GPC5: variants seen among roughly 807,000 people sequenced by gnomAD.
GPC5 encodes glypican 5.
In GPC5, 47 loss-of-function variants were observed where a neutral mutation model predicts 53.9. The ratio of observed to expected loss-of-function variants is 0.87; its 90% confidence interval spans 0.69 to 1.11. The LOEUF is 1.11. GPC5 is among the 50% of genes most tolerant of loss of function. The pLI is 0.00. For synonymous variants in GPC5, 286 were observed against 263.3 expected, an observed-to-expected ratio of 1.09 and a Z score of -0.84; for missense variants, 748 against 713.1, an observed-to-expected ratio of 1.05 and a Z score of -0.56.
At chr13:91,438,313 T>C (rs770092650) in intron 1 of GPC5, among the ~76,000 whole-genome samples, 1 of 152,212 alleles carries the variant, frequency 6.6e-6, no homozygotes, top group Non-Finnish European at 1.5e-5. Flanking sequence ...TGGTCTTTGA[T>C]GATTGTGACG....
intron 7 of GPC5, among the ~76,000 whole-genome samples, chr13:92,752,052 G>C (rs898149971): frequency 6.6e-6 from 1 of 151,696 alleles, no homozygotes. Flanking sequence ...TAAATAAAGA[G>C]GAATGAGAAC....
At chr13:92,751,832 C>G (rs894652382) in intron 7 of GPC5, among the ~76,000 whole-genome samples, 1 of 152,146 alleles carries the variant, frequency 6.6e-6, no homozygotes, top group African/African-American at 2.4e-5. Flanking sequence ...ATAGTTAAGT[C>G]AATCTATGTG....
chr13:92,631,510 A>G (rs1474408996), intron 7 of GPC5, among the ~76,000 whole-genome samples: 1 of 152,176 alleles, frequency 6.6e-6, no homozygotes, highest in Non-Finnish European at 1.5e-5. Flanking sequence ...TTTTGGCCAT[A>G]TGGAAGATGA....
chr13:91,473,850 G>A (rs1054731990), intron 2 of GPC5, among the ~76,000 whole-genome samples: 3 of 152,152 alleles, frequency 2.0e-5, no homozygotes, highest in African/African-American at 7.2e-5. Flanking sequence ...AGCACTCTAA[G>A]CTATCAATTT....
intron 5 of GPC5, among the ~76,000 whole-genome samples, chr13:91,784,271 GA>G (rs1371149582): frequency 3.9e-5 from 6 of 151,992 alleles, no homozygotes; most frequent in Non-Finnish European, 7.4e-5. Context: ...GTTTTAAGAT[GA>G]AAAAAATTTG....
intron 7 of GPC5, among the ~76,000 whole-genome samples, chr13:92,848,610 G>C (rs1878686387): frequency 6.6e-6 from 1 of 151,984 alleles, no homozygotes; most frequent in Admixed American, 6.6e-5. Context: ...AAAATATATA[G>C]ACATATAGAC....
chr13:92,361,584 G>A (rs2043567439), intron 7 of GPC5, among the ~76,000 whole-genome samples: 1 of 151,604 alleles, frequency 6.6e-6, no homozygotes, highest in Non-Finnish European at 1.5e-5. Flanking sequence ...AGTGTCTGAG[G>A]AGGAGTGGAA....
intron 2 of GPC5, among the ~76,000 whole-genome samples, chr13:91,608,577 G>A (rs1449132586): frequency 6.6e-6 from 1 of 152,174 alleles, no homozygotes; most frequent in African/African-American, 2.4e-5. Context: ...AGCAGCAGCA[G>A]ATAGGCATGT....
chr13:91,909,063 G>T (rs1297108083), intron 6 of GPC5, among the ~76,000 whole-genome samples: 1 of 152,134 alleles, frequency 6.6e-6, no homozygotes, highest in Admixed American at 6.6e-5. Context: ...AGGACATGGG[G>T]GTTGGTGTCC....
chr13:92,622,089 G>A (rs1381192342), intron 7 of GPC5, among the ~76,000 whole-genome samples: 12 of 152,070 alleles, frequency 7.9e-5, no homozygotes, highest in Non-Finnish European at 1.8e-4. Flanking sequence ...CCGTGGGATG[G>A]TTTGCCACAG....
chr13:92,116,250 A>AAAACAAAC (rs1157539239), intron 6 of GPC5, among the ~76,000 whole-genome samples: 2 of 147,818 alleles, frequency 1.4e-5, no homozygotes, highest in African/African-American at 5.0e-5. Flanking sequence ...CCTGTCTCAA[A>AAAACAAAC]AAACAAACAA....
intron 2 of GPC5, among the ~76,000 whole-genome samples, chr13:91,515,054 A>T (rs1437574149): frequency 6.6e-6 from 1 of 152,222 alleles, no homozygotes; most frequent in Admixed American, 6.5e-5. Flanking sequence ...ACCACCTTTC[A>T]GGTGTTCATG....
chr13:91,945,141 C>G (rs930926291), intron 6 of GPC5, among the ~76,000 whole-genome samples: 2 of 152,066 alleles, frequency 1.3e-5, no homozygotes, highest in African/African-American at 4.8e-5. Context: ...TAACTTTTTC[C>G]TAATTCTATC....
chr13:92,080,779 A>C (rs2041288815), intron 6 of GPC5, among the ~76,000 whole-genome samples: 2 of 152,214 alleles, frequency 1.3e-5, no homozygotes, highest in African/African-American at 2.4e-5. Flanking sequence ...TGATATTTGT[A>C]GTATAAAATA....
chr13:92,440,329 C>T (rs116259509), intron 7 of GPC5, among the ~76,000 whole-genome samples: 3 of 152,100 alleles, frequency 2.0e-5, no homozygotes, highest in Admixed American at 2.0e-4. Context: ...GTTTAGCTCC[C>T]ACTTATAAGT....
chr13:92,664,330 C>A lies in GPC5; in HGVS notation c.1562-201952C>A, dbSNP rs117529004. ...GGTAATATTCTAGGCTTTGGATCACCCTGCCAGTCACCAAATCCAATAGAT... is the reference window on the plus strand; with the variant it reads ...GGTAATATTCTAGGCTTTGGATCACACTGCCAGTCACCAAATCCAATAGAT... On this transcript the variant is annotated intron_variant, in intron 7 of 7. Coordinates refer to ENST00000377067, the MANE Select transcript of GPC5 (RefSeq NM_004466.6). 4.0e-3 allele frequency among the ~76,000 whole-genome samples: 603 copies of A among 149,920 alleles called. 3 individuals are homozygous for A. Among genetic ancestry groups the A allele is most frequent in the Middle Eastern group, 0.01 (3 of 288 alleles).
intron 7 of GPC5, among the ~76,000 whole-genome samples, chr13:92,243,512 T>C (rs1192251421): frequency 6.6e-6 from 1 of 152,086 alleles, no homozygotes; most frequent in African/African-American, 2.4e-5. Flanking sequence ...AATAACTAGA[T>C]ATGAGACTCA....
At chr13:91,711,572 G>T (rs1406765524) in intron 3 of GPC5, among the ~76,000 whole-genome samples, 1 of 152,130 alleles carries the variant, frequency 6.6e-6, no homozygotes, top group Admixed American at 6.5e-5. Flanking sequence ...CCTGCACGTT[G>T]TGCACATGTA....
rs574898977 is a variant in GPC5 at position 92,556,870 on chromosome 13, ATAG to A, written c.1562-309410_1562-309408del. ...TTTCTGCTCTTTTGAATGTGCTGAG[ATAG>A]TCTATGTATTATAGTCTGGTATGTA... On this transcript the variant is annotated intron_variant, in intron 7 of 7. Transcript: ENST00000377067. Among the ~76,000 whole-genome samples the A allele has an allele frequency of 1.4e-4, 21 of 151,972 alleles. No homozygotes were observed. The East Asian group carries it at 3.9e-3, about 28-fold the overall frequency.
Sources: gnomAD v4.1 joint callset for allele counts (sites outside exome capture counted in the v4.1 genomes callset) on GRCh38, gnomAD v4.1.1 for gene constraint, MANE v1.5 for transcripts, NCBI Gene and HGNC (gene_info 2026-07-23, HGNC 2026-07-21) for gene names.